Variants in RANBP2 observed in about 807,000 individuals in gnomAD.
RANBP2 encodes the protein E3 SUMO-protein ligase RanBP2.
In RANBP2, 57 loss-of-function variants were observed where a neutral mutation model predicts 303.6. That is an observed-to-expected ratio of 0.19 (90% confidence interval 0.15 to 0.23). The LOEUF (loss-of-function observed/expected upper bound fraction) is 0.23. Among genes scored for constraint, RANBP2 ranks in the 10% least tolerant of loss-of-function variants. The probability of loss-of-function intolerance (pLI) is 1.00; values close to 1 mark genes in which losing one functional copy is unlikely to be tolerated. For missense variants in RANBP2, 3,138 were observed against 3,780.8 expected (o/e 0.83, Z 4.46); for synonymous variants, 1,167 against 1,301.5 (o/e 0.90, Z 2.23).
the RANBP2 span, among the ~76,000 whole-genome samples, chr2:109,322,306 A>G: frequency 6.6e-6 from 1 of 152,110 alleles, no homozygotes; most frequent in Non-Finnish European, 1.5e-5. Flanking sequence ...CTGTAAACCC[A>G]TGGAGTCTGA....
chr2:108,930,327 A>G, the RANBP2 span: 20 of 1,578,856 alleles, frequency 1.3e-5, no homozygotes, highest in Non-Finnish European at 1.7e-5. Flanking sequence ...TGACATAGGA[A>G]GGGGGTGCCC....
chr2:108,905,126 T>C, the RANBP2 span, among the ~76,000 whole-genome samples: 1 of 152,022 alleles, frequency 6.6e-6, no homozygotes, highest in East Asian at 1.9e-4. Flanking sequence ...TTTGGGCAGA[T>C]TGGGTGGGCT....
the RANBP2 span, among the ~76,000 whole-genome samples, chr2:108,860,566 G>A: frequency 6.7e-6 from 1 of 150,044 alleles, no homozygotes; most frequent in Admixed American, 6.6e-5. Flanking sequence ...TGTTTTTTCT[G>A]CATCTAGGGG....
At chr2:108,812,870 T>A in the RANBP2 span, 1 of 1,613,608 alleles carries the variant, frequency 6.2e-7, no homozygotes, top group Non-Finnish European at 8.5e-7. Flanking sequence ...GTTCCCATGC[T>A]GTTCATGAAA....
chr2:109,527,779 C>G, the RANBP2 span, among the ~76,000 whole-genome samples: 1 of 152,264 alleles, frequency 6.6e-6, no homozygotes, highest in Non-Finnish European at 1.5e-5. Context: ...GCTGACAGGT[C>G]GCCAATCTTA....
In RANBP2 at chr2:108,767,147, C is replaced by T. The variant is rs774144645; in HGVS notation, c.6608C>T (p.Ala2203Val). ...GAAAATAAGGGTTCAGGTACAGGTG[C>T]GGCCGGTGCCTCAGACACAACAATA... ...EEENKGSGTG[A>V]AGASDTTIKP... Residue 2203 changes from alanine (A) to valine (V), a missense_variant, in exon 20 of 29, where the codon GCG becomes GTG. By Grantham distance (64) the Ala-to-Val change is moderately conservative. Coordinates refer to ENST00000283195, the MANE Select transcript of RANBP2 (RefSeq NM_006267.5). 28 of 1,611,964 alleles carry T rather than the reference C, an allele frequency of 1.7e-5. No individual in the cohort carries two copies. The highest frequency in any genetic ancestry group is 1.1e-4 in the South Asian group (10 of 90,990).
chr2:109,642,207 G>A, the RANBP2 span, among the ~76,000 whole-genome samples: 8 of 152,132 alleles, frequency 5.3e-5, no homozygotes, highest in Non-Finnish European at 1.2e-4. Context: ...ATAAGTGTGA[G>A]CCACTGCACC....
chr2:109,422,476 G>A, the RANBP2 span, among the ~76,000 whole-genome samples: 1 of 152,186 alleles, frequency 6.6e-6, no homozygotes, highest in Non-Finnish European at 1.5e-5. Flanking sequence ...GGCTTCCCTG[G>A]CATGGATTCC....
At chr2:108,735,392 T>C (rs2556120) in intron 4 of RANBP2, 140 bp from the exon 5 acceptor site, 172 of 1,520,576 alleles carry the variant, frequency 1.1e-4, no homozygotes, top group African/African-American at 1.1e-3. Context: ...TCAGAAGGGA[T>C]GAATAAGGTA....
chr2:109,148,762 CAG>C, the RANBP2 span, among the ~76,000 whole-genome samples: 15 of 152,292 alleles, frequency 9.8e-5, no homozygotes, highest in South Asian at 4.1e-4. Flanking sequence ...CGGTCATAGA[CAG>C]ATGCTTGTTT....
At chr2:109,325,331 C>CTTTTTTTTTTTTTTTTTTTTTTTTTT in the RANBP2 span, among the ~76,000 whole-genome samples, 1 of 66,256 alleles carries the variant, frequency 1.5e-5, no homozygotes, top group Non-Finnish European at 2.7e-5. Context: ...TTCTTTCTTT[C>CTTTTTTTTTTTTTTTTTTTTTTTTTT]TTTTTTTTTT....
the RANBP2 span, among the ~76,000 whole-genome samples, chr2:109,302,239 C>G: frequency 6.6e-6 from 1 of 151,718 alleles, no homozygotes; most frequent in Admixed American, 6.6e-5. Flanking sequence ...TCAGGTTGCT[C>G]TAAGTGTCAG....
the RANBP2 span, among the ~76,000 whole-genome samples, chr2:108,997,614 G>A: frequency 2.0e-4 from 30 of 151,968 alleles, no homozygotes; most frequent in African/African-American, 7.0e-4. Flanking sequence ...CTCTGTGGCC[G>A]AGCACGGTGG....
the RANBP2 span, among the ~76,000 whole-genome samples, chr2:109,363,644 C>T: frequency 6.6e-6 from 1 of 152,148 alleles, no homozygotes; most frequent in Non-Finnish European, 1.5e-5. Context: ...TCTTGCAAGG[C>T]ACATCTACTG....
the RANBP2 span, among the ~76,000 whole-genome samples, chr2:109,085,181 G>A: frequency 8.5e-5 from 13 of 152,176 alleles, no homozygotes; most frequent in African/African-American, 3.1e-4. Context: ...GCCCATTCCC[G>A]TTTGAGAGGC....
At chr2:108,869,590 A>G in the RANBP2 span, among the ~76,000 whole-genome samples, 1 of 152,212 alleles carries the variant, frequency 6.6e-6, no homozygotes, top group East Asian at 1.9e-4. Context: ...GGAAGAGGTT[A>G]TGCACAGAGG....
the RANBP2 span, among the ~76,000 whole-genome samples, chr2:109,132,584 C>G: frequency 6.6e-6 from 1 of 152,164 alleles, no homozygotes; most frequent in Non-Finnish European, 1.5e-5. Flanking sequence ...TACCCATAGC[C>G]TAAGATCAGG....
At chr2:109,174,467 C>A in the RANBP2 span, among the ~76,000 whole-genome samples, 1 of 152,192 alleles carries the variant, frequency 6.6e-6, no homozygotes, top group Non-Finnish European at 1.5e-5. Flanking sequence ...TCAGAGTAGG[C>A]ACCAGGCCAC....
chr2:108,748,622 T>A (rs556216199), intron 8 of RANBP2, among the ~76,000 whole-genome samples: 56 of 152,236 alleles, frequency 3.7e-4, no homozygotes, highest in Non-Finnish European at 6.6e-4. Flanking sequence ...TGTTCTCCTA[T>A]GGCCACTTAA....
Sources: gnomAD v4.1 joint callset for allele counts (sites outside exome capture counted in the v4.1 genomes callset) on GRCh38, gnomAD v4.1.1 for gene constraint, MANE v1.5 for transcripts, NCBI Gene and HGNC (gene_info 2026-07-23, HGNC 2026-07-21) for gene names.